The following VCAN variants were observed in gnomAD, a reference collection of about 807,000 sequenced individuals.
VCAN encodes the protein versican, also known as versican core protein.
A neutral mutation model predicts 245.5 loss-of-function variants in VCAN; 44 were observed. The ratio of observed to expected loss-of-function variants is 0.18; its 90% confidence interval spans 0.14 to 0.23. VCAN has a LOEUF of 0.23. Among genes scored for constraint, VCAN ranks in the 10% least tolerant of loss-of-function variants. VCAN has a pLI of 1.00. For missense variants in VCAN, 3,793 were observed against 4,057.9 expected, an observed-to-expected ratio of 0.93 and a Z score of 1.77; for synonymous variants, 1,413 against 1,437.0, an observed-to-expected ratio of 0.98 and a Z score of 0.38.
At position 83,471,838 on chromosome 5, in the gene VCAN, A is replaced by T; in HGVS notation, c.-192A>T. 1 of 398,306 alleles carries T rather than the reference A, an allele frequency of 2.5e-6. No individual in the cohort carries two copies. The highest frequency in any genetic ancestry group is 4.4e-6 in the Non-Finnish European group (1 of 225,958). 24.7% of individuals were successfully genotyped at this position (398,306 alleles called of 1,614,324 possible). ...GCCGAGAACATTAGGTGTTGTGGAC[A>T]GGAGCTGGGACCAAGATCTTCGGCC... On this transcript the variant is annotated 5_prime_UTR_variant, in exon 1 of 15. Coordinates refer to ENST00000265077, the MANE Select transcript of VCAN (RefSeq NM_004385.5).
intron 12 of VCAN, among the ~76,000 whole-genome samples, chr5:83,568,699 T>A (rs1748174214): frequency 6.6e-6 from 1 of 152,200 alleles, no homozygotes; most frequent in African/African-American, 2.4e-5. Flanking sequence ...GAAATTTGTA[T>A]TTTTTGTGAG....
At chr5:83,575,647 C>T (rs931689301) in intron 13 of VCAN, among the ~76,000 whole-genome samples, 3 of 152,148 alleles carry the variant, frequency 2.0e-5, no homozygotes. Flanking sequence ...ATAATCCCTG[C>T]CCTTTGTATA....
intron 1 of VCAN, among the ~76,000 whole-genome samples, chr5:83,477,186 C>CA (rs915866504): frequency 1.3e-5 from 2 of 151,830 alleles, no homozygotes; most frequent in Admixed American, 6.6e-5. Flanking sequence ...AAAAACTATA[C>CA]AAAAAAGGGA....
chr5:83,480,702 A>G (rs1214357219), intron 1 of VCAN, among the ~76,000 whole-genome samples: 2 of 152,198 alleles, frequency 1.3e-5, no homozygotes, highest in Non-Finnish European at 1.5e-5. Flanking sequence ...GAGATTAGAC[A>G]TGTTTACAGA....
At chr5:83,544,740 T>C (rs573573822) in intron 8 of VCAN, among the ~76,000 whole-genome samples, 5 of 152,316 alleles carry the variant, frequency 3.3e-5, no homozygotes, top group African/African-American at 9.6e-5. Flanking sequence ...ATGCTTCAAG[T>C]GGTGTAAAAG....
At chr5:83,572,350 T>C (rs780932624) in intron 12 of VCAN, 66 bp from the exon 13 acceptor site, 1 of 1,568,552 alleles carries the variant, frequency 6.4e-7, no homozygotes, top group Non-Finnish European at 8.8e-7. Flanking sequence ...TGTGATATAA[T>C]ACCGTCGTTG....
intron 5 of VCAN, among the ~76,000 whole-genome samples, chr5:83,505,459 A>G (rs1580613889): frequency 1.3e-5 from 2 of 152,302 alleles, no homozygotes; most frequent in East Asian, 3.9e-4. Context: ...AAGCTCCAAA[A>G]TGATCTCCTT....
At chr5:83,493,995 C>T in intron 5 of VCAN, 64 bp downstream of exon 5, 1 of 1,610,688 alleles carries the variant, frequency 6.2e-7, no homozygotes, top group African/African-American at 1.3e-5. Context: ...ACCAGAAGTT[C>T]ATTGGAATAG....
chr5:83,480,807 A>G (rs1561224061), intron 1 of VCAN, among the ~76,000 whole-genome samples: 1 of 152,214 alleles, frequency 6.6e-6, no homozygotes, highest in Non-Finnish European at 1.5e-5. Context: ...TATAATTTTC[A>G]AATGTAAGAG....
intron 9 of VCAN, among the ~76,000 whole-genome samples, chr5:83,546,238 T>G (rs150458442): frequency 0.027 from 3,835 of 141,948 alleles, 60 homozygotes; most frequent in Middle Eastern, 0.066. Flanking sequence ...TCCTTCTCTT[T>G]AAAGAAAAAA....
chr5:83,540,546 T>C lies in VCAN; in HGVS notation c.7543T>C (p.Ser2515Pro), dbSNP rs895968747. ...TLSNTVSYER[S>P]TDGSFQDRFR... ...GTCAAATACAGTGTCATATGAGAGGTCCACAGACGGTAGTTTCCAAGACCG... is the reference window on the plus strand; with the variant it reads ...GTCAAATACAGTGTCATATGAGAGGCCCACAGACGGTAGTTTCCAAGACCG... Residue 2515 changes from serine to proline, a missense_variant, in exon 8 of 15, where the codon TCC (serine) becomes CCC (proline). Transcript: ENST00000265077. The C allele has an allele frequency of 6.2e-7, 1 of 1,613,796 alleles. No homozygotes were observed. The highest frequency in any genetic ancestry group is 1.1e-5 in the South Asian group (1 of 91,066).
At position 83,520,731 on chromosome 5, in the gene VCAN, A is replaced by C; in HGVS notation, c.2425A>C (p.Asn809His). ...ATCAAAATGGTCATGGGATGAAGAT[A>C]ATACAACATCCAAGCCTTTAGAGTC... Reference protein sequence around the residue: ...TVSKWSWDEDNTTSKPLESTE... With the variant: ...TVSKWSWDEDHTTSKPLESTE... Residue 809 changes from asparagine (N) to histidine (H), a missense_variant, in exon 7 of 15, where the codon AAT becomes CAT. Asn to His is a moderately conservative substitution (Grantham distance 68). This residue lies in a region of VCAN where 3,182 missense variants were observed against 3,250.3 expected (regional missense o/e 0.98). Coordinates refer to ENST00000265077, the MANE Select transcript of VCAN (RefSeq NM_004385.5). 6.2e-7 allele frequency: 1 copy of C among 1,614,148 alleles called. No homozygotes were observed. The highest frequency in any genetic ancestry group is 8.5e-7 in the Non-Finnish European group (1 of 1,179,990).
intron 7 of VCAN, among the ~76,000 whole-genome samples, chr5:83,532,832 C>T (rs1746572552): frequency 6.6e-6 from 1 of 152,058 alleles, no homozygotes; most frequent in African/African-American, 2.4e-5. Flanking sequence ...TTTCAACTCC[C>T]ATTTTGCATA....
rs1271774961 is a variant in VCAN, at chr5:83,520,738, C to T, written c.2432C>T (p.Thr811Ile). 3.7e-6 allele frequency: 6 copies of T among 1,614,024 alleles called. No homozygotes were observed. The highest frequency in any genetic ancestry group is 5.1e-6 in the Non-Finnish European group (6 of 1,179,992). Residue 811 changes from threonine (T) to isoleucine (I), a missense_variant, in exon 7 of 15, where the codon ACA becomes ATA. Physicochemically the swap from Thr to Ile is moderately conservative, Grantham distance 89. This residue lies in a region of VCAN where 3,182 missense variants were observed against 3,250.3 expected (regional missense o/e 0.98). Coordinates refer to ENST00000265077, the MANE Select transcript of VCAN (RefSeq NM_004385.5). ...TGGTCATGGGATGAAGATAATACAA[C>T]ATCCAAGCCTTTAGAGTCTACAGAA... ...SKWSWDEDNTTSKPLESTEPS... is the reference protein window; with the variant it reads ...SKWSWDEDNTISKPLESTEPS...
chr5:83,580,666 T>A lies in VCAN; in HGVS notation c.*232T>A, dbSNP rs2112511930. The A allele has an allele frequency of 1.8e-6, 1 of 566,674 alleles. No homozygotes were observed. The highest frequency in any genetic ancestry group is 3.0e-6 in the Non-Finnish European group (1 of 331,836). The allele number at this position is 566,674 out of a possible 1,614,324, so 35.1% of individuals were successfully genotyped here. On this transcript the variant is annotated 3_prime_UTR_variant, in exon 15 of 15. Transcript: ENST00000265077. ...GCAGAAAGTAAGCATTTCCAGCCTATCTAATTTCTTTAGTTTTCTATTTGC... is the reference window on the plus strand; with the variant it reads ...GCAGAAAGTAAGCATTTCCAGCCTAACTAATTTCTTTAGTTTTCTATTTGC...
intron 9 of VCAN, 81 bp from the exon 10 acceptor site, chr5:83,547,890 G>GTTA (rs201463279): frequency 1.3e-5 from 10 of 797,594 alleles, no homozygotes; most frequent in Middle Eastern, 2.8e-4. Context: ...TGTCTTGTAT[G>GTTA]TTATCTTGCA....
At chr5:83,564,670 G>T (rs1330539446) in intron 12 of VCAN, among the ~76,000 whole-genome samples, 2 of 145,684 alleles carry the variant, frequency 1.4e-5, no homozygotes, top group African/African-American at 5.0e-5. Context: ...CTTTTGCAGG[G>T]TTTTTTAGAT....
In VCAN at chr5:83,537,719, A is replaced by G. The variant is rs112449237; in HGVS notation, c.4716A>G (p.Glu1572=). 6 of 1,613,956 alleles carry G rather than the reference A, an allele frequency of 3.7e-6. No individual in the cohort carries two copies. In the African/African-American group the frequency reaches 5.3e-5, roughly 14 times the overall value. ...GGGCTACAGAAGTAACATTTGGTGA[A>G]GAGGTAGAAAAAAGTACTTCTGTCA... The part of the protein sequence containing the change: ...FARATEVTFG[E]EVEKSTSVTY... Residue 1572 remains glutamate, a synonymous_variant, in exon 8 of 15, where the codon GAA becomes GAG. Transcript: ENST00000265077.
intron 1 of VCAN, among the ~76,000 whole-genome samples, chr5:83,472,623 G>A (rs144915501): frequency 1.6e-3 from 248 of 152,302 alleles, no homozygotes; most frequent in Non-Finnish European, 3.0e-3. Context: ...CCTTCAGACC[G>A]CAGGCAGTCT....
Sources: allele counts gnomAD v4.1 joint callset (sites outside exome capture counted in the v4.1 genomes callset), GRCh38; gene constraint gnomAD v4.1.1; regional missense constraint gnomAD v4.1.1; transcripts MANE v1.5; gene names NCBI Gene and HGNC (gene_info 2026-07-23, HGNC 2026-07-21).